CNTN1: variants seen among roughly 807,000 people sequenced by gnomAD.
CNTN1 encodes the protein contactin-1.
CNTN1 carries 38 observed loss-of-function variants against 126.4 expected under a neutral mutation model. That is an observed-to-expected ratio of 0.30 (90% CI 0.23 to 0.39). CNTN1 has a LOEUF of 0.39. Among genes scored for constraint, CNTN1 ranks in the 10% least tolerant of loss-of-function variants. CNTN1 has a pLI of 1.00. For missense variants in CNTN1, 1,009 were observed against 1,248.4 expected (o/e 0.81, Z 2.89); for synonymous variants, 413 against 422.6 (o/e 0.98, Z 0.28).
chr12:40,700,299 G>A (rs759033999), intron 1 of CNTN1, among the ~76,000 whole-genome samples: 14 of 152,088 alleles, frequency 9.2e-5, no homozygotes, highest in South Asian at 2.1e-4. Flanking sequence ...AGGACGAGGC[G>A]GGCAGATCAT....
At chr12:40,885,413 T>C (rs1047927017) in intron 1 of CNTN1, among the ~76,000 whole-genome samples, 3 of 151,986 alleles carry the variant, frequency 2.0e-5, no homozygotes, top group Admixed American at 1.3e-4. Context: ...GGTGGGATTA[T>C]AGTTATTTTA....
chr12:41,064,454 G>A (rs1053215742), intron 23 of CNTN1, among the ~76,000 whole-genome samples: 1 of 152,184 alleles, frequency 6.6e-6, no homozygotes, highest in Admixed American at 6.5e-5. Flanking sequence ...TACAGTGCAG[G>A]TCTAGAACAA....
chr12:40,943,777 C>T (rs1946342727), intron 13 of CNTN1, 53 bp downstream of exon 13: 6 of 1,582,434 alleles, frequency 3.8e-6, no homozygotes, highest in Middle Eastern at 1.7e-4. Context: ...AAACATGATT[C>T]AGCACTAAGC....
In CNTN1 at chr12:41,029,229, T is replaced by A; in HGVS notation, c.2980+10T>A. The A allele has an allele frequency of 6.2e-7, 1 of 1,613,742 alleles. No individual in the cohort carries two copies. Among genetic ancestry groups the A allele is most frequent in the Non-Finnish European group, 8.5e-7 (1 of 1,179,870 alleles). On this transcript the variant is annotated intron_variant, in intron 23 of 23. Coordinates refer to ENST00000551295, the MANE Select transcript of CNTN1 (RefSeq NM_001843.4). ...CAAGTCAAAATTTCAGGTAAGTGAG[T>A]CATTTAAGACACATTTCAACTAAGT...
chr12:41,058,592 T>C (rs1445665925), intron 23 of CNTN1, among the ~76,000 whole-genome samples: 6 of 152,130 alleles, frequency 3.9e-5, no homozygotes, highest in Non-Finnish European at 5.9e-5. Context: ...AATCTTTTTT[T>C]CCCCTTTTTT....
intron 6 of CNTN1, among the ~76,000 whole-genome samples, chr12:40,928,794 C>T (rs963277907): frequency 2.0e-5 from 3 of 152,030 alleles, no homozygotes; most frequent in Non-Finnish European, 2.9e-5. Context: ...TTCACACTCT[C>T]TTTGAAAGCT....
At chr12:40,744,531 CT>C (rs1938099001) in intron 1 of CNTN1, among the ~76,000 whole-genome samples, 1 of 152,042 alleles carries the variant, frequency 6.6e-6, no homozygotes, top group African/African-American at 2.4e-5. Context: ...GAAGGAATTC[CT>C]GTTAACATTT....
intron 1 of CNTN1, among the ~76,000 whole-genome samples, chr12:40,737,357 G>GTGTA (rs1187019013): frequency 9.5e-6 from 1 of 105,072 alleles, no homozygotes; most frequent in Non-Finnish European, 1.9e-5. Context: ...ATATGTGTGT[G>GTGTA]TGTATATATA....
intron 1 of CNTN1, among the ~76,000 whole-genome samples, chr12:40,845,559 G>T (rs192963215): frequency 1.3e-5 from 2 of 151,686 alleles, no homozygotes; most frequent in African/African-American, 2.4e-5. Context: ...TAATGAGATG[G>T]TGTTGAATAA....
intron 1 of CNTN1, among the ~76,000 whole-genome samples, chr12:40,901,392 G>C (rs1944604518): frequency 6.6e-6 from 1 of 152,178 alleles, no homozygotes; most frequent in Non-Finnish European, 1.5e-5. Flanking sequence ...GGGTGCACTT[G>C]TTAATTAGAC....
chr12:40,936,347 T>A (rs1215753727), intron 9 of CNTN1, among the ~76,000 whole-genome samples: 1 of 152,000 alleles, frequency 6.6e-6, no homozygotes, highest in Non-Finnish European at 1.5e-5. Context: ...TCCATCAAAA[T>A]GAAGATAATG....
At chr12:40,929,360 A>G (rs962648481) in intron 6 of CNTN1, among the ~76,000 whole-genome samples, 4 of 151,898 alleles carry the variant, frequency 2.6e-5, no homozygotes, top group Non-Finnish European at 5.9e-5. Context: ...ACACAAAAAA[A>G]AAAAGATAAA....
chr12:41,053,428 A>AAT (rs66808071), intron 23 of CNTN1, among the ~76,000 whole-genome samples: 3,198 of 63,970 alleles, frequency 0.05, 121 homozygotes, highest in East Asian at 0.063. Flanking sequence ...GTTTTCACTA[A>AAT]ATATATATAT....
At chr12:40,740,182 AAC>A (rs1345038599) in intron 1 of CNTN1, among the ~76,000 whole-genome samples, 1 of 152,070 alleles carries the variant, frequency 6.6e-6, no homozygotes, top group African/African-American at 2.4e-5. Context: ...CTGTAATTAA[AAC>A]AGAGGAGTAT....
Position 40,702,313 on chromosome 12 carries a change from T to C in CNTN1, c.-77+9721T>C, listed in dbSNP as rs184387707. On this transcript the variant is annotated intron_variant, in intron 1 of 23. Coordinates refer to ENST00000551295, the MANE Select transcript of CNTN1 (RefSeq NM_001843.4). ...TAGCAATAATTTATTTTCATTGTAC[T>C]GTAGAATTCTATTGAATGAATGCCC... Among the ~76,000 whole-genome samples, 17 of 152,356 alleles carry C rather than the reference T, an allele frequency of 1.1e-4. No homozygotes were observed. The East Asian group carries it at 2.7e-3, about 24-fold the overall frequency.
chr12:40,941,333 G>A (rs75111557), intron 12 of CNTN1, among the ~76,000 whole-genome samples: 3,100 of 152,026 alleles, frequency 0.02, 100 homozygotes, highest in African/African-American at 0.069. Context: ...TGTATAAAAA[G>A]CTAAACATAA....
chr12:40,961,727 A>T (rs907501569), intron 15 of CNTN1, among the ~76,000 whole-genome samples: 2 of 152,016 alleles, frequency 1.3e-5, no homozygotes, highest in Admixed American at 6.6e-5. Context: ...CTAGATCAAG[A>T]CTCTCTAATA....
chr12:40,729,907 C>T (rs1405422928), intron 1 of CNTN1: 1 of 154,634 alleles, frequency 6.5e-6, no homozygotes, highest in Non-Finnish European at 1.4e-5. Flanking sequence ...TTAATTTCTT[C>T]CAAAATAGCA....
intron 6 of CNTN1, among the ~76,000 whole-genome samples, chr12:40,928,441 G>A (rs1024467917): frequency 6.6e-6 from 1 of 151,880 alleles, no homozygotes; most frequent in African/African-American, 2.4e-5. Flanking sequence ...TCAGCAAGAA[G>A]AAAACAAATG....
Sources: allele counts gnomAD v4.1 joint callset (sites outside exome capture counted in the v4.1 genomes callset), GRCh38; gene constraint gnomAD v4.1.1; transcripts MANE v1.5; gene names NCBI Gene and HGNC (gene_info 2026-07-23, HGNC 2026-07-21).